The following RANBP17 variants were observed in gnomAD, a reference collection of about 807,000 sequenced individuals.
RANBP17 encodes ran-binding protein 17.
Under a neutral mutation model 141.2 loss-of-function variants are expected in RANBP17, and 158 were observed. The ratio of observed to expected loss-of-function variants is 1.12; its 90% CI spans 0.98 to 1.28. The LOEUF is 1.28. Among genes scored for constraint, RANBP17 ranks in the 50% most tolerant of loss-of-function variants. RANBP17 has a pLI of 0.00. For missense variants in RANBP17, 1,438 were observed against 1,290.7 expected (o/e 1.11, Z -1.75); for synonymous variants, 430 against 450.0 (o/e 0.96, Z 0.56).
chr5:171,259,067 T>C (rs1387822794), intron 24 of RANBP17, among the ~76,000 whole-genome samples: 6 of 152,116 alleles, frequency 3.9e-5, no homozygotes, highest in Admixed American at 3.9e-4. Flanking sequence ...ATGACATGAA[T>C]AGACATTTCT....
At chr5:171,004,513 G>T (rs1379519358) in intron 14 of RANBP17, among the ~76,000 whole-genome samples, 1 of 152,140 alleles carries the variant, frequency 6.6e-6, no homozygotes, top group African/African-American at 2.4e-5. Flanking sequence ...ACAGGCCCTT[G>T]AAAAGAAGGT....
At chr5:170,897,994 C>G (rs991906094) in intron 5 of RANBP17, among the ~76,000 whole-genome samples, 1 of 152,160 alleles carries the variant, frequency 6.6e-6, no homozygotes, top group Non-Finnish European at 1.5e-5. Flanking sequence ...CACTGTCTTC[C>G]GTAATGGTTA....
At chr5:171,071,993 A>G (rs1415900509) in intron 14 of RANBP17, among the ~76,000 whole-genome samples, 1 of 152,122 alleles carries the variant, frequency 6.6e-6, no homozygotes, top group African/African-American at 2.4e-5. Flanking sequence ...AAGTCCAGCA[A>G]GTGACTTGGA....
chr5:171,183,240 A>T lies in RANBP17; in HGVS notation c.1929+10A>T. ...GCTAAAAAACCACACGGTAAGTCTT[A>T]TTTCTTTAATTAATGAATAACATTT... is the stretch of plus-strand genomic sequence containing the variant. On this transcript the variant is annotated intron_variant, in intron 17 of 27. Transcript: ENST00000523189. The T allele has an allele frequency of 1.3e-6, 2 of 1,593,768 alleles. No individual in the cohort carries two copies. The highest frequency in any genetic ancestry group is 1.7e-6 in the Non-Finnish European group (2 of 1,161,588).
intron 16 of RANBP17, among the ~76,000 whole-genome samples, chr5:171,175,967 C>G (rs1581794243): frequency 6.6e-6 from 1 of 152,118 alleles, no homozygotes; most frequent in East Asian, 1.9e-4. Context: ...AAGACCTCAA[C>G]AGCAAAGCAT....
chr5:170,993,666 G>C (rs1778645390), intron 14 of RANBP17, among the ~76,000 whole-genome samples: 1 of 152,070 alleles, frequency 6.6e-6, no homozygotes, highest in East Asian at 1.9e-4. Flanking sequence ...TGACATGTAA[G>C]TGCTTAATAA....
intron 14 of RANBP17, among the ~76,000 whole-genome samples, chr5:171,079,693 C>A (rs1373333647): frequency 4.6e-5 from 7 of 152,082 alleles, no homozygotes. Context: ...ATTTTTTTAG[C>A]AATAAAGTAT....
chr5:170,927,473 G>A (rs1387683698), intron 12 of RANBP17, among the ~76,000 whole-genome samples: 2 of 151,970 alleles, frequency 1.3e-5, no homozygotes, highest in African/African-American at 4.8e-5. Flanking sequence ...TTATCAGTGA[G>A]GTTGTGCATT....
intron 14 of RANBP17, among the ~76,000 whole-genome samples, chr5:171,127,068 G>A (rs550287763): frequency 6.6e-6 from 1 of 152,218 alleles, no homozygotes; most frequent in East Asian, 1.9e-4. Context: ...GAACATAGAT[G>A]CAAAAACCCT....
rs1230076888 is a variant in RANBP17, at chr5:170,918,836, A to T, written c.1078A>T (p.Asn360Tyr). Residue 360 changes from asparagine to tyrosine, a missense_variant, in exon 10 of 28, where the codon AAT becomes TAT. Physicochemically the swap from Asn to Tyr is moderately radical, Grantham distance 143. Coordinates refer to ENST00000523189, the MANE Select transcript of RANBP17 (RefSeq NM_022897.5). The part of the protein sequence containing the change: ...EYPEVIRLIA[N>Y]FTITSLQHWE... ...TCCTGAAGTTATTAGATTGATTGCT[A>T]ATTTTACCATTACTAGCCTACAGGT... 3.8e-6 allele frequency: 6 copies of T among 1,582,758 alleles called. No homozygotes were observed. Among genetic ancestry groups the T allele is most frequent in the East Asian group, 4.6e-5 (2 of 43,198 alleles).
At chr5:171,191,637 A>C (rs1761646638) in intron 18 of RANBP17, among the ~76,000 whole-genome samples, 1 of 151,848 alleles carries the variant, frequency 6.6e-6, no homozygotes, top group Non-Finnish European at 1.5e-5. Context: ...CAGTGAGCCG[A>C]GGTCGCGTCA....
chr5:171,055,321 A>G (rs1783268636), intron 14 of RANBP17, among the ~76,000 whole-genome samples: 1 of 152,208 alleles, frequency 6.6e-6, no homozygotes, highest in South Asian at 2.1e-4. Flanking sequence ...GGAAAAAAAC[A>G]TCAGAAACAA....
intron 14 of RANBP17, among the ~76,000 whole-genome samples, chr5:170,996,750 A>C (rs1388686575): frequency 6.6e-6 from 1 of 152,186 alleles, no homozygotes; most frequent in Non-Finnish European, 1.5e-5. Context: ...AGAATAATTT[A>C]TCTTTCTCAA....
intron 14 of RANBP17, among the ~76,000 whole-genome samples, chr5:171,004,014 C>T (rs570686683): frequency 1.2e-4 from 19 of 152,182 alleles, no homozygotes; most frequent in African/African-American, 2.9e-4. Flanking sequence ...AAGAGTTGTC[C>T]GGTTTTTGAA....
At chr5:171,285,275 A>C (rs561227231) in intron 25 of RANBP17, among the ~76,000 whole-genome samples, 1 of 152,332 alleles carries the variant, frequency 6.6e-6, no homozygotes, top group East Asian at 1.9e-4. Context: ...GTCTCTCTTA[A>C]GCTTGCACAC....
At chr5:171,146,471 CT>C (rs1439565761) in intron 14 of RANBP17, among the ~76,000 whole-genome samples, 1 of 152,042 alleles carries the variant, frequency 6.6e-6, no homozygotes, top group East Asian at 1.9e-4. Context: ...AGTTAAGTAA[CT>C]TTTTCAAAGT....
intron 25 of RANBP17, among the ~76,000 whole-genome samples, chr5:171,280,179 GTGTAGTGTGC>G (rs747093415): frequency 3.8e-4 from 58 of 152,298 alleles, no homozygotes; most frequent in Non-Finnish European, 6.9e-4. Context: ...GATTCCCAAA[GTGTAGTGTGC>G]TGTAGTGTGC....
chr5:171,015,771 A>G (rs1780385058), intron 14 of RANBP17, among the ~76,000 whole-genome samples: 1 of 152,166 alleles, frequency 6.6e-6, no homozygotes, highest in South Asian at 2.1e-4. Flanking sequence ...AAAAGCACGT[A>G]GTCTAGGACT....
intron 14 of RANBP17, among the ~76,000 whole-genome samples, chr5:171,009,766 C>G (rs1418805282): frequency 6.6e-6 from 1 of 152,014 alleles, no homozygotes; most frequent in African/African-American, 2.4e-5. Context: ...ACACTTGTAT[C>G]AAGTAACCAT....
Sources: gnomAD v4.1 joint callset for allele counts (sites outside exome capture counted in the v4.1 genomes callset) on GRCh38, gnomAD v4.1.1 for gene constraint, MANE v1.5 for transcripts, NCBI Gene and HGNC (gene_info 2026-07-23, HGNC 2026-07-21) for gene names.